KLHDC1: variants seen among roughly 807,000 people sequenced by gnomAD.
KLHDC1 encodes kelch domain-containing protein 1.
KLHDC1 carries 53 observed loss-of-function variants against 68.3 expected under a neutral mutation model. The observed-to-expected ratio is 0.78, with a 90% CI of 0.62 to 0.98. KLHDC1 has a LOEUF of 0.98. Among genes scored for constraint, KLHDC1 ranks in the 50% least tolerant of loss-of-function variants. The pLI is 0.00. For missense variants in KLHDC1, 470 were observed against 492.3 expected (o/e 0.95, Z 0.43); for synonymous variants, 148 against 159.0 (o/e 0.93, Z 0.52).
chr14:49,707,827 GT>G (rs11300701), intron 1 of KLHDC1: 136,087 of 145,666 alleles, frequency 0.93, 64,180 homozygotes, highest in East Asian at 1. Context: ...ATTTTTTGGT[GT>G]TTTTTTTTTT....
In KLHDC1 at chr14:49,729,002, G is replaced by A. The variant is rs555237025; in HGVS notation, c.644G>A (p.Arg215His). The change falls in exon 7 of 13, where the codon CGT (arginine) becomes CAT (histidine). Residue 215 changes from arginine (R) to histidine (H), a missense_variant. By Grantham distance (29) the Arg-to-His change is conservative. Coordinates refer to ENST00000359332, the MANE Select transcript of KLHDC1 (RefSeq NM_172193.3). ...AATAAGGGTTATATCTTTGGCGGAC[G>A]TGTTCTGGTTAGTGTTTTTAATGGA... The part of the protein sequence containing the change: ...LGNKGYIFGG[R>H]VLQTRMNDLH... 33 of 1,609,312 alleles carry A rather than the reference G, an allele frequency of 2.1e-5. No homozygotes were observed. Among genetic ancestry groups the A allele is most frequent in the Non-Finnish European group, 2.4e-5 (28 of 1,175,632 alleles).
chr14:49,751,114 G>A (rs943122623), intron 12 of KLHDC1: 1 of 152,152 alleles, frequency 6.6e-6, no homozygotes, highest in African/African-American at 2.4e-5. Flanking sequence ...AATTAAGTCT[G>A]AATCATTTTT....
chr14:49,749,900 A>T lies in KLHDC1; in HGVS notation c.1035-1686A>T, dbSNP rs989236162. ...TGGCAAAACCCCATCTCTATTAAAA[A>T]TACAGAAATTAGCCAGGCGTGGTGT... On this transcript the variant is annotated intron_variant, in intron 12 of 12. Transcript: ENST00000359332. 5.9e-5 allele frequency among the ~76,000 whole-genome samples: 9 copies of T among 152,208 alleles called. No individual in the cohort carries two copies. In the South Asian group the frequency reaches 1.2e-3, roughly 21 times the overall value.
intron 12 of KLHDC1, among the ~76,000 whole-genome samples, chr14:49,749,501 C>T (rs1200756344): frequency 1.3e-5 from 2 of 151,348 alleles, no homozygotes; most frequent in African/African-American, 4.9e-5. Flanking sequence ...GGTGGTGAAA[C>T]CATGTCTCGA....
Position 49,720,130 on chromosome 14 carries a change from G to C in KLHDC1, c.405-3744G>C, listed in dbSNP as rs572548732. Among the ~76,000 whole-genome samples, 8 of 152,232 alleles carry C rather than the reference G, an allele frequency of 5.3e-5. No homozygotes were observed. In the South Asian group the frequency reaches 1.5e-3, roughly 28 times the overall value. ...GCCTCCTGTGTAGCTGGGATTACAGGCATGCGCCACCAAACCCGGCTAATT... is the reference window on the plus strand; with the variant it reads ...GCCTCCTGTGTAGCTGGGATTACAGCCATGCGCCACCAAACCCGGCTAATT... On this transcript the variant is annotated intron_variant, in intron 4 of 12. Transcript: ENST00000359332.
rs1566588595 is a variant in KLHDC1, at chr14:49,693,269, CTACG to C, written c.77_80del (p.Tyr26CysfsTer110). ...GCGCCGTGGTGGACGGAAACTTCCT[CTACG>C]TGTGGGGGGGCTACGTGGTAAGGGG... On this transcript the variant is annotated frameshift_variant, in exon 1 of 13. Transcript: ENST00000359332. LOFTEE classifies it high-confidence loss of function. 3 of 1,561,040 alleles carry C rather than the reference CTACG, an allele frequency of 1.9e-6. No homozygotes were observed. In the South Asian group the frequency reaches 3.5e-5, roughly 18 times the overall value.
At chr14:49,732,162 C>A (rs972363586) in intron 8 of KLHDC1, among the ~76,000 whole-genome samples, 1 of 151,158 alleles carries the variant, frequency 6.6e-6, no homozygotes, top group African/African-American at 2.4e-5. Flanking sequence ...TGTGCATTAA[C>A]GGAGAATTGA....
intron 11 of KLHDC1, among the ~76,000 whole-genome samples, chr14:49,742,276 A>G (rs1158672988): frequency 6.6e-6 from 1 of 152,260 alleles, no homozygotes; most frequent in Non-Finnish European, 1.5e-5. Flanking sequence ...CCTATTTGAA[A>G]GGATTAGATA....
intron 4 of KLHDC1, among the ~76,000 whole-genome samples, chr14:49,712,257 A>G (rs186121635): frequency 6.6e-6 from 1 of 151,602 alleles, no homozygotes; most frequent in Admixed American, 6.6e-5. Flanking sequence ...TATTCTAGAG[A>G]TTTCCTTTTG....
intron 4 of KLHDC1, among the ~76,000 whole-genome samples, chr14:49,723,280 C>G (rs1345406454): frequency 6.6e-6 from 1 of 151,858 alleles, no homozygotes; most frequent in Non-Finnish European, 1.5e-5. Flanking sequence ...CGCCTGTAAT[C>G]CCAGCACTTT....
intron 10 of KLHDC1, among the ~76,000 whole-genome samples, chr14:49,737,834 C>T (rs1888965022): frequency 7.3e-6 from 1 of 136,190 alleles, no homozygotes; most frequent in Admixed American, 8.2e-5. Context: ...CACTGCACTC[C>T]AGCCTGGGTG....
In KLHDC1 at chr14:49,732,172, A is replaced by AC. The variant is rs1888825107; in HGVS notation, c.711-531dup. Among the ~76,000 whole-genome samples the AC allele has an allele frequency of 2.0e-5, 3 of 151,474 alleles. No individual in the cohort carries two copies. The East Asian group carries it at 5.8e-4, about 29-fold the overall frequency. On this transcript the variant is annotated intron_variant, in intron 8 of 12. Transcript: ENST00000359332. ...TGCATTGTGCATTAACGGAGAATTG[A>AC]CTTTTTTTTTTTTTCTTGGAGAAGC... is the stretch of plus-strand genomic sequence containing the variant.
intron 4 of KLHDC1, among the ~76,000 whole-genome samples, chr14:49,721,723 G>T (rs948574981): frequency 1.3e-5 from 2 of 152,042 alleles, no homozygotes; most frequent in African/African-American, 4.8e-5. Flanking sequence ...TTGCAGCTGT[G>T]CTTCACAGCT....
intron 12 of KLHDC1, among the ~76,000 whole-genome samples, chr14:49,749,944 C>T (rs1889286802): frequency 6.6e-6 from 1 of 152,096 alleles, no homozygotes; most frequent in African/African-American, 2.4e-5. Context: ...CCTGTAATAA[C>T]AGCTACTCAG....
chr14:49,749,400 G>A (rs1486076563), intron 12 of KLHDC1, among the ~76,000 whole-genome samples: 2 of 152,112 alleles, frequency 1.3e-5, no homozygotes, highest in African/African-American at 4.8e-5. Context: ...AGGTGCAATG[G>A]CTCAAACCTG....
intron 4 of KLHDC1, among the ~76,000 whole-genome samples, chr14:49,718,313 C>G (rs1433564233): frequency 1.3e-5 from 2 of 152,140 alleles, no homozygotes; most frequent in African/African-American, 4.8e-5. Context: ...GACAGGGTCT[C>G]ACCTTTGCCC....
chr14:49,704,028 C>A (rs1378751453), intron 1 of KLHDC1, among the ~76,000 whole-genome samples: 6 of 152,176 alleles, frequency 3.9e-5, no homozygotes, highest in Non-Finnish European at 8.8e-5. Context: ...TTGGAAATGT[C>A]AGACTGTTAC....
intron 1 of KLHDC1, among the ~76,000 whole-genome samples, chr14:49,697,680 T>G (rs955751935): frequency 3.9e-5 from 6 of 152,306 alleles, no homozygotes; most frequent in Non-Finnish European, 7.4e-5. Context: ...AGATTCAAGT[T>G]GGTTTTTGTT....
In KLHDC1 at chr14:49,725,307, C is replaced by A. The variant is rs1049378089; in HGVS notation, c.484-379C>A. On this transcript the variant is annotated intron_variant, in intron 5 of 12. Coordinates refer to ENST00000359332, the MANE Select transcript of KLHDC1 (RefSeq NM_172193.3). ...TGGGAACAGGAACCATGACCCACCC[C>A]CTAAAGTTTATTACAGCAAAAATGA... Among the ~76,000 whole-genome samples, 3 of 1,260 alleles carry A rather than the reference C, an allele frequency of 2.4e-3. No individual in the cohort carries two copies. In the East Asian group the frequency reaches 0.079, roughly 33 times the overall value. 0.8% of individuals were successfully genotyped at this position (1,260 alleles called of 152,430 possible). A position where few individuals can be genotyped will look rare whatever the true frequency, so the allele number is the denominator to read the frequency against.
Sources: allele counts gnomAD v4.1 joint callset (sites outside exome capture counted in the v4.1 genomes callset), GRCh38; gene constraint gnomAD v4.1.1; transcripts MANE v1.5; gene names NCBI Gene and HGNC (gene_info 2026-07-23, HGNC 2026-07-21).